PCDHGC3: variants seen among roughly 807,000 people sequenced by gnomAD.
PCDHGC3 encodes protocadherin gamma-C3.
PCDHGC3 carries 26 observed loss-of-function variants against 59.2 expected under a neutral mutation model. The ratio of observed to expected loss-of-function variants is 0.44; its 90% CI spans 0.32 to 0.61. PCDHGC3 has a LOEUF of 0.61. Ranked by LOEUF, PCDHGC3 falls within the 20% of genes least tolerant of loss-of-function variation. The pLI, the probability that PCDHGC3 is intolerant of heterozygous loss-of-function variation, is 0.05. For missense variants in PCDHGC3, 1,080 were observed against 1,221.8 expected (o/e 0.88, Z 1.73); for synonymous variants, 487 against 519.7 (o/e 0.94, Z 0.86).
In PCDHGC3 at chr5:141,477,362, G is replaced by T. The variant is rs920445601; in HGVS notation, c.1246G>T (p.Asp416Tyr). 6.2e-7 allele frequency: 1 copy of T among 1,614,142 alleles called. No individual in the cohort carries two copies. The highest frequency in any genetic ancestry group is 1.3e-5 in the African/African-American group (1 of 75,022). The change falls in exon 1 of 4, where the codon GAT becomes TAT. Residue 416 changes from aspartate (D) to tyrosine (Y), a missense_variant. Physicochemically the swap from Asp to Tyr is radical, Grantham distance 160 (BLOSUM62 -3). Coordinates refer to ENST00000308177, the MANE Select transcript of PCDHGC3 (RefSeq NM_002588.4). The surrounding 1 kb of genome is among the most constrained non-coding windows in gnomAD (Gnocchi z 4.9). ...CACTTTGAAAACCAGTGCAGACCTG[G>T]ATCGGGAGACTGTGCCAGAATACAA... Reference protein sequence around the residue: ...YFTLKTSADLDRETVPEYNLS... With the variant: ...YFTLKTSADLYRETVPEYNLS...
rs2099648980 is a variant in PCDHGC3 at position 141,487,537 on chromosome 5, G to A, written c.2431-7270G>A. ...CTCGGAGTGATAGCTTCATGATGGT[G>A]AAGTCACCCAGTGCACCTATGGCAG... On this transcript the variant is annotated intron_variant, in intron 1 of 3. Transcript: ENST00000308177. The surrounding 1 kb of genome is among the most constrained non-coding windows in gnomAD (Gnocchi z 5.0). The A allele has an allele frequency of 1.2e-6, 2 of 1,614,188 alleles. No individual in the cohort carries two copies. Among genetic ancestry groups the A allele is most frequent in the Admixed American group, 1.7e-5 (1 of 60,028 alleles).
Position 141,476,214 on chromosome 5 carries a change from T to C in PCDHGC3, c.98T>C (p.Ile33Thr), listed in dbSNP as rs768153063. 1 of 1,613,974 alleles carries C rather than the reference T, an allele frequency of 6.2e-7. No homozygotes were observed. Among genetic ancestry groups the C allele is most frequent in the African/African-American group, 1.3e-5 (1 of 74,990 alleles). ...GCCTTGAACAAGGCTTCCACGGTCA[T>C]TCACTATGAGATCCCGGAGGAAAGA... Reference protein sequence around the residue: ...LGALNKASTVIHYEIPEEREK... With the variant: ...LGALNKASTVTHYEIPEEREK... Residue 33 changes from isoleucine (I) to threonine (T), a missense_variant, in exon 1 of 4, where the codon ATT becomes ACT. Physicochemically the swap from Ile to Thr is moderately conservative, Grantham distance 89. Coordinates refer to ENST00000308177, the MANE Select transcript of PCDHGC3 (RefSeq NM_002588.4). The surrounding 1 kb of genome is among the most constrained non-coding windows in gnomAD (Gnocchi z 7.6).
chr5:141,485,961 A>G lies in PCDHGC3; in HGVS notation c.2430+7415A>G. Reference sequence around the variant, plus strand: ...GCACCAGCGGGCATGGTGCTCATCCAGCTCAATGCCTCAGACCCGGACCTG... The same window carrying G: ...GCACCAGCGGGCATGGTGCTCATCCGGCTCAATGCCTCAGACCCGGACCTG... On this transcript the variant is annotated intron_variant, in intron 1 of 3. Coordinates refer to ENST00000308177, the MANE Select transcript of PCDHGC3 (RefSeq NM_002588.4). This position sits in a 1 kb window ranked among gnomAD's most constrained non-coding sequence, Gnocchi z 5.7. 1 of 1,614,204 alleles carries G rather than the reference A, an allele frequency of 6.2e-7. No individual in the cohort carries two copies. Among genetic ancestry groups the G allele is most frequent in the Non-Finnish European group, 8.5e-7 (1 of 1,180,028 alleles).
Position 141,489,195 on chromosome 5 carries a change from A to G in PCDHGC3, c.2431-5612A>G, listed in dbSNP as rs200660227. ...ATTCCAAGCCCTGGGTCTACCTTGG[A>G]GACAGGACAGCACAGACTTACTCTC... is the stretch of plus-strand genomic sequence containing the variant. On this transcript the variant is annotated intron_variant, in intron 1 of 3. Transcript: ENST00000308177. This position sits in a 1 kb window ranked among gnomAD's most constrained non-coding sequence, Gnocchi z 4.5. 1.8e-5 allele frequency: 25 copies of G among 1,383,116 alleles called. No individual in the cohort carries two copies. The East Asian group carries it at 4.8e-4, about 27-fold the overall frequency. 85.7% of individuals were successfully genotyped at this position (1,383,116 alleles called of 1,614,324 possible). A position where few individuals can be genotyped will look rare whatever the true frequency, so the allele number is the denominator to read the frequency against.
chr5:141,490,644 T>C lies in PCDHGC3; in HGVS notation c.2431-4163T>C. The C allele has an allele frequency of 6.2e-7, 1 of 1,614,188 alleles. No homozygotes were observed. Among genetic ancestry groups the C allele is most frequent in the Non-Finnish European group, 8.5e-7 (1 of 1,180,016 alleles). On this transcript the variant is annotated intron_variant, in intron 1 of 3. Coordinates refer to ENST00000308177, the MANE Select transcript of PCDHGC3 (RefSeq NM_002588.4). The surrounding 1 kb of genome is among the most constrained non-coding windows in gnomAD (Gnocchi z 5.4). Reference sequence around the variant, plus strand: ...CTGCTTACATCCTAGAAAACCGGCCTCCGGGCTCCCTTCTTTGCACTGTGG... The same window carrying C: ...CTGCTTACATCCTAGAAAACCGGCCCCCGGGCTCCCTTCTTTGCACTGTGG...
At position 141,511,871 on chromosome 5, in the gene PCDHGC3, A is replaced by T. The variant is rs1306732557; in HGVS notation, c.*698A>T. On this transcript the variant is annotated 3_prime_UTR_variant, in exon 4 of 4. Coordinates refer to ENST00000308177, the MANE Select transcript of PCDHGC3 (RefSeq NM_002588.4). ...TTGTTTTTCATTGTTTGACGTTTCCACTGCATGCCTTGACTTCCCCCACCT... is the reference window on the plus strand; with the variant it reads ...TTGTTTTTCATTGTTTGACGTTTCCTCTGCATGCCTTGACTTCCCCCACCT... 1 of 156,376 alleles carries T rather than the reference A, an allele frequency of 6.4e-6. No homozygotes were observed. The highest frequency in any genetic ancestry group is 1.9e-4 in the East Asian group (1 of 5,268). 9.7% of individuals were successfully genotyped at this position (156,376 alleles called of 1,614,324 possible).
chr5:141,504,941 T>G (rs2099842166), intron 2 of PCDHGC3, among the ~76,000 whole-genome samples: 1 of 152,046 alleles, frequency 6.6e-6, no homozygotes, highest in East Asian at 1.9e-4. Flanking sequence ...GGTGGGGGAA[T>G]GCACTATGTT....
rs759356451 is a variant in PCDHGC3, at chr5:141,476,397, G to C, written c.281G>C (p.Arg94Pro). The change falls in exon 1 of 4, where the codon CGA (arginine) becomes CCA (proline). Residue 94 changes from arginine to proline, a missense_variant. By Grantham distance (103) the Arg-to-Pro change is moderately radical. Transcript: ENST00000308177. The surrounding 1 kb of genome is among the most constrained non-coding windows in gnomAD (Gnocchi z 7.6). ...ATGTTTGTGAACGACCGTCTGGATC[G>C]AGAGGAGCTGTGTGGGACACTGCCC... ...GEMFVNDRLD[R>P]EELCGTLPSC... The C allele has an allele frequency of 6.2e-7, 1 of 1,614,142 alleles. No individual in the cohort carries two copies. The highest frequency in any genetic ancestry group is 8.5e-7 in the Non-Finnish European group (1 of 1,180,036).
At position 141,476,458 on chromosome 5, in the gene PCDHGC3, C is replaced by A. The variant is rs368153419; in HGVS notation, c.342C>A (p.Asn114Lys). Reference sequence around the variant, plus strand: ...TAACTCTGGAGTTGGTAGTGGAGAACCCGCTGGAGCTGTTCAGCGTGGAAG... The same window carrying A: ...TAACTCTGGAGTTGGTAGTGGAGAAACCGCTGGAGCTGTTCAGCGTGGAAG... ...CTVTLELVVENPLELFSVEVV... is the reference protein window; with the variant it reads ...CTVTLELVVEKPLELFSVEVV... Residue 114 changes from asparagine (N) to lysine (K), a missense_variant, in exon 1 of 4, where the codon AAC becomes AAA. Transcript: ENST00000308177. This position sits in a 1 kb window ranked among gnomAD's most constrained non-coding sequence, Gnocchi z 7.6. 1 of 1,613,928 alleles carries A rather than the reference C, an allele frequency of 6.2e-7. No individual in the cohort carries two copies. Among genetic ancestry groups the A allele is most frequent in the Non-Finnish European group, 8.5e-7 (1 of 1,180,022 alleles).
intron 2 of PCDHGC3, among the ~76,000 whole-genome samples, chr5:141,501,290 TACACACACACACACACACACACAC>T (rs55762287): frequency 7.3e-6 from 1 of 136,162 alleles, no homozygotes; most frequent in African/African-American, 2.7e-5. Flanking sequence ...TATTCCCTTA[TACACACACACACACACACACACAC>T]ACACACACAC....
rs767330174 is a variant in PCDHGC3, at chr5:141,491,818, C to T, written c.2431-2989C>T. The T allele has an allele frequency of 1.6e-5, 24 of 1,481,560 alleles. No homozygotes were observed. The highest frequency in any genetic ancestry group is 1.9e-5 in the Non-Finnish European group (21 of 1,116,446). 91.8% of individuals were successfully genotyped at this position (1,481,560 alleles called of 1,614,324 possible). A position where few individuals can be genotyped will look rare whatever the true frequency, so the allele number is the denominator to read the frequency against. On this transcript the variant is annotated intron_variant, in intron 1 of 3. Transcript: ENST00000308177. This position sits in a 1 kb window ranked among gnomAD's most constrained non-coding sequence, Gnocchi z 6.9. ...CTCCGGCCGGCTTGGTCGCTGGCTGCGCTCCACCCGATTCTCGGGATCATT... is the reference window on the plus strand; with the variant it reads ...CTCCGGCCGGCTTGGTCGCTGGCTGTGCTCCACCCGATTCTCGGGATCATT...
Position 141,477,395 on chromosome 5 carries a change from A to G in PCDHGC3, c.1279A>G (p.Ile427Val). The G allele has an allele frequency of 1.9e-6, 3 of 1,614,126 alleles. No individual in the cohort carries two copies. The highest frequency in any genetic ancestry group is 1.3e-5 in the African/African-American group (1 of 75,020). ...GACTGTGCCAGAATACAACCTCAGC[A>G]TCACCGCCCGAGACGCCGGAACCCC... ...RETVPEYNLS[I>V]TARDAGTPSL... is the part of the protein sequence containing the mutation. The change falls in exon 1 of 4, where the codon ATC becomes GTC. Residue 427 changes from isoleucine (I) to valine (V), a missense_variant. By Grantham distance (29) the Ile-to-Val change is conservative. Transcript: ENST00000308177. The surrounding 1 kb of genome is among the most constrained non-coding windows in gnomAD (Gnocchi z 4.9).
At chr5:141,500,348 A>G (rs2099799436) in intron 2 of PCDHGC3, among the ~76,000 whole-genome samples, 1 of 151,950 alleles carries the variant, frequency 6.6e-6, no homozygotes, top group Non-Finnish European at 1.5e-5. Context: ...AGCTGGGACT[A>G]CAGGCGCCCA....
rs1207371456 is a variant in PCDHGC3 at position 141,487,371 on chromosome 5, G to A, written c.2431-7436G>A. On this transcript the variant is annotated intron_variant, in intron 1 of 3. Transcript: ENST00000308177. The surrounding 1 kb of genome is among the most constrained non-coding windows in gnomAD (Gnocchi z 5.0). ...TGCTTTCCTGCTGGCACCTGTGCCT[G>A]TCTCACCAGATCTCGAAGGAGGGAG... The A allele has an allele frequency of 4.3e-6, 7 of 1,614,076 alleles. No individual in the cohort carries two copies. In the Admixed American group the frequency reaches 5.0e-5, roughly 12 times the overall value.
chr5:141,477,564 A>T lies in PCDHGC3; in HGVS notation c.1448A>T (p.Asp483Val). 2 of 1,613,924 alleles carry T rather than the reference A, an allele frequency of 1.2e-6. No individual in the cohort carries two copies. The highest frequency in any genetic ancestry group is 1.7e-6 in the Non-Finnish European group (2 of 1,179,980). Residue 483 changes from aspartate to valine, a missense_variant, in exon 1 of 4, where the codon GAC becomes GTC. Coordinates refer to ENST00000308177, the MANE Select transcript of PCDHGC3 (RefSeq NM_002588.4). The surrounding 1 kb of genome is among the most constrained non-coding windows in gnomAD (Gnocchi z 4.9). ...CCAATACTAAACCTAAGTGTCTGGG[A>T]CCCCGACGCCCCGCAGAATGCTCGG... is the stretch of plus-strand genomic sequence containing the variant. Reference protein sequence around the residue: ...GAPILNLSVWDPDAPQNARLS... With the variant: ...GAPILNLSVWVPDAPQNARLS...
Position 141,491,420 on chromosome 5 carries a change from G to A in PCDHGC3, c.2431-3387G>A, listed in dbSNP as rs2099713954. 1.2e-6 allele frequency: 2 copies of A among 1,614,004 alleles called. No homozygotes were observed. The highest frequency in any genetic ancestry group is 2.2e-5 in the South Asian group (2 of 91,090). On this transcript the variant is annotated intron_variant, in intron 1 of 3. Transcript: ENST00000308177. This position sits in a 1 kb window ranked among gnomAD's most constrained non-coding sequence, Gnocchi z 6.9. ...GGAAACGCAGACGGGGACGGGGGTG[G>A]AGGGCAGTGCTGCAGGCGCCAGGAC...
At chr5:141,499,007 AG>A (rs2099788320) in intron 2 of PCDHGC3, among the ~76,000 whole-genome samples, 1 of 151,128 alleles carries the variant, frequency 6.6e-6, no homozygotes, top group Non-Finnish European at 1.5e-5. Flanking sequence ...GAAGGAAGGA[AG>A]GAAGGAAGGA....
chr5:141,488,633 A>G (rs2099677537), intron 1 of PCDHGC3, among the ~76,000 whole-genome samples: 1 of 152,174 alleles, frequency 6.6e-6, no homozygotes, highest in South Asian at 2.1e-4. Context: ...TCACCTTAGC[A>G]GCATTCAGCA....
At chr5:141,503,332 C>T (rs536647792) in intron 2 of PCDHGC3, among the ~76,000 whole-genome samples, 5 of 152,074 alleles carry the variant, frequency 3.3e-5, no homozygotes, top group Admixed American at 6.5e-5. Context: ...CGCGGTGGCT[C>T]ACGCCTGTAA....
Sources: gnomAD v4.1 joint callset for allele counts (sites outside exome capture counted in the v4.1 genomes callset) on GRCh38, gnomAD v4.1.1 for gene constraint, Gnocchi (gnomAD v3.1) non-coding constraint, MANE v1.5 for transcripts, NCBI Gene and HGNC (gene_info 2026-07-23, HGNC 2026-07-21) for gene names.